Variants in TBC1D9 observed in about 807,000 individuals in gnomAD.
TBC1D9 encodes the protein TBC1 domain family member 9A.
TBC1D9 carries 63 observed loss-of-function variants against 132.0 expected under a neutral mutation model. The observed-to-expected ratio is 0.48, with a 90% CI of 0.39 to 0.59. The LOEUF (loss-of-function observed/expected upper bound fraction) is 0.59, where lower values mean the gene tolerates loss of function less well. Ranked by LOEUF, TBC1D9 falls within the 20% of genes least tolerant of loss-of-function variation. The pLI, the probability that TBC1D9 is intolerant of heterozygous loss-of-function variation, is 0.00. For synonymous variants in TBC1D9, 610 were observed against 609.9 expected (o/e 1.00, Z 0.00); for missense variants, 1,261 against 1,592.7 (o/e 0.79, Z 3.54).
chr4:140,621,020 A>T lies in TBC1D9; in HGVS notation c.*1175T>A, dbSNP rs921109616. The T allele has an allele frequency of 2.0e-5, 3 of 152,682 alleles. No individual in the cohort carries two copies. Among genetic ancestry groups the T allele is most frequent in the Non-Finnish European group, 4.4e-5 (3 of 68,032 alleles). The allele number at this position is 152,682 out of a possible 1,614,324, so 9.5% of individuals were successfully genotyped here. On this transcript the variant is annotated 3_prime_UTR_variant, in exon 21 of 21. Transcript: ENST00000442267. ...CAATCAGAAGAAAAAATCGTCCAAC[A>T]TCTGTAAAAAGCAAAATCATAACAG... is the stretch of plus-strand genomic sequence containing the variant.
chr4:140,628,376 C>T lies in TBC1D9; in HGVS notation c.2747-11G>A, dbSNP rs777591098. On this transcript the variant is annotated splice_polypyrimidine_tract_variant and intron_variant, in intron 16 of 20. Coordinates refer to ENST00000442267, the MANE Select transcript of TBC1D9 (RefSeq NM_015130.3). ...CATGGCATGCAGCACCTAGAAGTCA[C>T]ATAAGTACCAATGTGAAATGCATCA... is the stretch of plus-strand genomic sequence containing the variant. 1 of 1,612,784 alleles carries T rather than the reference C, an allele frequency of 6.2e-7. No individual in the cohort carries two copies. Among genetic ancestry groups the T allele is most frequent in the Non-Finnish European group, 8.5e-7 (1 of 1,178,786 alleles).
intron 8 of TBC1D9, 118 bp from the exon 9 acceptor site, chr4:140,669,185 C>A (rs757115007): frequency 3.8e-5 from 40 of 1,057,598 alleles, no homozygotes; most frequent in African/African-American, 9.6e-5. Context: ...AGAAAGAAGT[C>A]ATGAGAAAAA....
chr4:140,720,670 G>A (rs1348503449), intron 1 of TBC1D9, among the ~76,000 whole-genome samples: 2 of 152,138 alleles, frequency 1.3e-5, no homozygotes, highest in Admixed American at 1.3e-4. Flanking sequence ...GGTAATATTG[G>A]CCATCCCAGA....
chr4:140,673,052 C>G (rs553115809), intron 6 of TBC1D9, among the ~76,000 whole-genome samples: 1 of 151,984 alleles, frequency 6.6e-6, no homozygotes, highest in Non-Finnish European at 1.5e-5. Flanking sequence ...TCTAGCTACT[C>G]AGGTGGCTGA....
At chr4:140,753,587 T>C (rs1267712885) in intron 1 of TBC1D9, among the ~76,000 whole-genome samples, 1 of 152,244 alleles carries the variant, frequency 6.6e-6, no homozygotes, top group African/African-American at 2.4e-5. Context: ...CTGAGAGTCC[T>C]GCCTCTGGTT....
At chr4:140,704,860 T>G (rs1461285330) in intron 1 of TBC1D9, among the ~76,000 whole-genome samples, 2 of 152,238 alleles carry the variant, frequency 1.3e-5, no homozygotes, top group Non-Finnish European at 2.9e-5. Flanking sequence ...TCTCATTAGA[T>G]GCAAGTTCAC....
chr4:140,632,882 G>A (rs570877252), intron 16 of TBC1D9, among the ~76,000 whole-genome samples: 2 of 152,310 alleles, frequency 1.3e-5, no homozygotes, highest in East Asian at 3.9e-4. Flanking sequence ...ACACCTAAGA[G>A]CTGTTGTTTA....
intron 1 of TBC1D9, among the ~76,000 whole-genome samples, chr4:140,703,291 C>T (rs950430369): frequency 2.0e-5 from 3 of 152,156 alleles, no homozygotes; most frequent in African/African-American, 7.2e-5. Flanking sequence ...AAAATGTTGC[C>T]ACCAGTACCT....
At chr4:140,659,387 G>A in intron 11 of TBC1D9, 1 of 447,642 alleles carries the variant, frequency 2.2e-6, no homozygotes, top group Admixed American at 3.7e-5. Context: ...AGGCGTATGT[G>A]TATAGTCCCT....
chr4:140,674,691 AT>A (rs112044868), intron 6 of TBC1D9, among the ~76,000 whole-genome samples: 19 of 144,986 alleles, frequency 1.3e-4, no homozygotes, highest in Admixed American at 7.5e-4. Flanking sequence ...ATATATATAT[AT>A]TTTTTTTTAA....
chr4:140,672,618 C>T (rs962765701), intron 6 of TBC1D9, among the ~76,000 whole-genome samples: 1 of 152,098 alleles, frequency 6.6e-6, no homozygotes, highest in Non-Finnish European at 1.5e-5. Context: ...AGCATGTATG[C>T]AGAAACAAGA....
chr4:140,646,466 T>C (rs1043397947), intron 13 of TBC1D9, among the ~76,000 whole-genome samples: 2 of 152,210 alleles, frequency 1.3e-5, no homozygotes, highest in African/African-American at 2.4e-5. Flanking sequence ...AAACAATGAA[T>C]ACTTTTTTAC....
In TBC1D9 at chr4:140,706,861, ATATAAG is replaced by A. The variant is rs1156996134; in HGVS notation, c.131-5253_131-5248del. On this transcript the variant is annotated intron_variant, in intron 1 of 20. Coordinates refer to ENST00000442267, the MANE Select transcript of TBC1D9 (RefSeq NM_015130.3). This position sits in a 1 kb window ranked among gnomAD's most constrained non-coding sequence, Gnocchi z 4.0. ...TTAAAATATTGTGCAATATTCCACT[ATATAAG>A]TATATTACAACTTATCTGTTTTCCT... Among the ~76,000 whole-genome samples the A allele has an allele frequency of 6.6e-6, 1 of 152,218 alleles. No homozygotes were observed. Among genetic ancestry groups the A allele is most frequent in the African/African-American group, 2.4e-5 (1 of 41,464 alleles).
chr4:140,684,369 T>C (rs1021976935), intron 3 of TBC1D9, among the ~76,000 whole-genome samples: 1 of 152,160 alleles, frequency 6.6e-6, no homozygotes, highest in Non-Finnish European at 1.5e-5. Flanking sequence ...GTTAATTAGG[T>C]CTCAAAACAA....
chr4:140,651,245 G>A (rs1737183431), intron 13 of TBC1D9, among the ~76,000 whole-genome samples: 1 of 152,178 alleles, frequency 6.6e-6, no homozygotes, highest in African/African-American at 2.4e-5. Flanking sequence ...AAGGCGGGCA[G>A]ATCACTTGAG....
chr4:140,628,419 C>T, intron 16 of TBC1D9, 54 bp from the exon 17 acceptor site: 1 of 1,480,294 alleles, frequency 6.8e-7, no homozygotes, highest in Admixed American at 1.7e-5. Context: ...TAATAAACTC[C>T]AGGCCTAGTG....
chr4:140,626,065 G>A (rs184072260), intron 18 of TBC1D9, among the ~76,000 whole-genome samples: 1 of 152,292 alleles, frequency 6.6e-6, no homozygotes, highest in African/African-American at 2.4e-5. Flanking sequence ...TAAAACAAGA[G>A]AATCCCTTTC....
At chr4:140,736,800 T>C (rs1310869583) in intron 1 of TBC1D9, among the ~76,000 whole-genome samples, 1 of 152,148 alleles carries the variant, frequency 6.6e-6, no homozygotes, top group Non-Finnish European at 1.5e-5. Flanking sequence ...GAGAGCTGAA[T>C]TGTAGAGTGC....
intron 15 of TBC1D9, among the ~76,000 whole-genome samples, chr4:140,636,274 G>A (rs1736878337): frequency 6.6e-6 from 1 of 152,128 alleles, no homozygotes; most frequent in Non-Finnish European, 1.5e-5. Flanking sequence ...TCTGCCTTAA[G>A]GTGCATTCTT....
Sources: allele counts gnomAD v4.1 joint callset (sites outside exome capture counted in the v4.1 genomes callset), GRCh38; gene constraint gnomAD v4.1.1; non-coding constraint Gnocchi (gnomAD v3.1); transcripts MANE v1.5; gene names NCBI Gene and HGNC (gene_info 2026-07-23, HGNC 2026-07-21).